Variants in ROBO2 observed in about 807,000 individuals in gnomAD.
ROBO2 encodes the protein roundabout homolog 2.
In ROBO2, 53 loss-of-function variants were observed where a neutral mutation model predicts 160.8. The ratio of observed to expected loss-of-function variants is 0.33; its 90% CI spans 0.26 to 0.41. The LOEUF (loss-of-function observed/expected upper bound fraction) is 0.41, where lower values mean the gene tolerates loss of function less well. ROBO2 is among the 10% of genes least tolerant of loss of function. The probability of loss-of-function intolerance (pLI) is 1.00; values close to 1 mark genes in which losing one functional copy is unlikely to be tolerated. For synonymous variants in ROBO2, 664 were observed against 611.7 expected (o/e 1.09, Z -1.26); for missense variants, 1,577 against 1,722.4 (o/e 0.92, Z 1.49).
At chr3:76,833,961 C>CCTTTCTTTCTCTTTCTTTT (rs2067304036) in intron 2 of ROBO2, among the ~76,000 whole-genome samples, 2 of 148,098 alleles carry the variant, frequency 1.4e-5, no homozygotes, top group South Asian at 4.4e-4. Flanking sequence ...TTTCTTCCTT[C>CCTTTCTTTCTCTTTCTTTT]CTTTCTTTCT....
intron 2 of ROBO2, among the ~76,000 whole-genome samples, chr3:77,396,851 A>G (rs1380525127): frequency 1.3e-5 from 2 of 152,120 alleles, no homozygotes; most frequent in Non-Finnish European, 2.9e-5. Flanking sequence ...TTATTCCGTG[A>G]TACTATGAAC....
At chr3:76,698,294 G>T (rs775218269) in intron 2 of ROBO2, among the ~76,000 whole-genome samples, 14 of 152,154 alleles carry the variant, frequency 9.2e-5, no homozygotes, top group Non-Finnish European at 2.1e-4. Context: ...GTGTTTTATC[G>T]ACAGGTTCCC....
rs141385364 is a variant in ROBO2, at chr3:77,341,786, A to G, written c.389-135628A>G. 1.8e-3 allele frequency among the ~76,000 whole-genome samples: 272 copies of G among 152,162 alleles called. 2 individuals carry two copies. The highest frequency in any genetic ancestry group is 6.1e-3 in the African/African-American group (255 of 41,520). ...TGCTTTGTGGAATAGATTTTGCAGA[A>G]TTTTTCAGAGGCCATGTGGAACATG... On this transcript the variant is annotated intron_variant, in intron 2 of 25. Coordinates refer to ENST00000461745, the Ensembl canonical transcript of ROBO2.
chr3:77,188,110 T>C (rs1386990529), intron 2 of ROBO2, among the ~76,000 whole-genome samples: 3 of 151,914 alleles, frequency 2.0e-5, no homozygotes, highest in Non-Finnish European at 2.9e-5. Flanking sequence ...GTATCAATTA[T>C]CTTTGATATT....
intron 1 of ROBO2, among the ~76,000 whole-genome samples, chr3:77,086,709 T>A (rs1002132751): frequency 4.6e-5 from 7 of 152,172 alleles, no homozygotes; most frequent in African/African-American, 1.7e-4. Context: ...TCAGTCATTG[T>A]GTGCATCCCT....
intron 2 of ROBO2, among the ~76,000 whole-genome samples, chr3:76,372,293 C>A (rs1012364053): frequency 2.6e-5 from 4 of 151,762 alleles, no homozygotes; most frequent in Non-Finnish European, 5.9e-5. Context: ...AATTTTAAAA[C>A]TTCCTGACTT....
chr3:77,087,875 C>T (rs1244026264), intron 1 of ROBO2, among the ~76,000 whole-genome samples: 1 of 151,894 alleles, frequency 6.6e-6, no homozygotes, highest in East Asian at 1.9e-4. Flanking sequence ...AAGACACACA[C>T]ACATACATAA....
At chr3:76,527,006 C>G (rs2081982803) in intron 2 of ROBO2, among the ~76,000 whole-genome samples, 1 of 151,926 alleles carries the variant, frequency 6.6e-6, no homozygotes, top group African/African-American at 2.4e-5. Flanking sequence ...AGAAAAATGC[C>G]TGGAAAAGGA....
chr3:76,088,031 G>C (rs1232428484), intron 2 of ROBO2, among the ~76,000 whole-genome samples: 4 of 152,052 alleles, frequency 2.6e-5, no homozygotes, highest in Non-Finnish European at 5.9e-5. Context: ...AGGATGGTGA[G>C]AGATATACTA....
chr3:76,726,939 T>A (rs1336892198), intron 2 of ROBO2, among the ~76,000 whole-genome samples: 1 of 152,198 alleles, frequency 6.6e-6, no homozygotes. Flanking sequence ...GGGGTTCCGA[T>A]GTGTTATTAC....
chr3:77,418,603 G>A (rs2077452701), intron 2 of ROBO2, among the ~76,000 whole-genome samples: 1 of 151,942 alleles, frequency 6.6e-6, no homozygotes, highest in African/African-American at 2.4e-5. Flanking sequence ...GAAAAGTATT[G>A]TGATTCATAC....
At chr3:76,914,610 T>G (rs886184968) in intron 2 of ROBO2, among the ~76,000 whole-genome samples, 1 of 152,168 alleles carries the variant, frequency 6.6e-6, no homozygotes, top group Non-Finnish European at 1.5e-5. Flanking sequence ...GCTTTTAACT[T>G]AATTTTTGTC....
chr3:76,515,364 T>G (rs1389902845), intron 2 of ROBO2, among the ~76,000 whole-genome samples: 1 of 152,206 alleles, frequency 6.6e-6, no homozygotes, highest in African/African-American at 2.4e-5. Context: ...ACTTTATATT[T>G]GTTATTTTAT....
At chr3:76,545,799 A>G (rs989318842) in intron 2 of ROBO2, among the ~76,000 whole-genome samples, 1 of 151,890 alleles carries the variant, frequency 6.6e-6, no homozygotes, top group Non-Finnish European at 1.5e-5. Context: ...TTTCAAATTA[A>G]TGCCTAATTC....
At chr3:77,340,076 C>G (rs1485393228) in intron 2 of ROBO2, among the ~76,000 whole-genome samples, 1 of 152,036 alleles carries the variant, frequency 6.6e-6, no homozygotes, top group African/African-American at 2.4e-5. Flanking sequence ...AGATTTCATT[C>G]AAGTAATTTT....
At chr3:77,112,906 T>C (rs980260338) in intron 2 of ROBO2, among the ~76,000 whole-genome samples, 7 of 152,308 alleles carry the variant, frequency 4.6e-5, no homozygotes, top group Admixed American at 4.6e-4. Context: ...CTTACGTTTT[T>C]CCTCAGAGGA....
chr3:77,478,271 G>A (rs1178195399), intron 3 of ROBO2, among the ~76,000 whole-genome samples: 2 of 152,074 alleles, frequency 1.3e-5, no homozygotes, highest in African/African-American at 4.8e-5. Context: ...ATTAATTTAA[G>A]GTGATGAATA....
chr3:77,578,394 AT>A (rs1486343158), intron 15 of ROBO2, among the ~76,000 whole-genome samples: 1 of 152,098 alleles, frequency 6.6e-6, no homozygotes, highest in Admixed American at 6.6e-5. Flanking sequence ...TTATTAATAA[AT>A]ATTTCTAGAT....
intron 2 of ROBO2, among the ~76,000 whole-genome samples, chr3:77,337,504 A>ATTC (rs891140587): frequency 6.6e-6 from 1 of 152,182 alleles, no homozygotes; most frequent in African/African-American, 2.4e-5. Context: ...TGAATATGTT[A>ATTC]CCTGAACTTA....
Sources: allele counts gnomAD v4.1 joint callset (sites outside exome capture counted in the v4.1 genomes callset), GRCh38; gene constraint gnomAD v4.1.1; transcripts MANE v1.5; gene names NCBI Gene and HGNC (gene_info 2026-07-23, HGNC 2026-07-21).